Variants in MAGI1 observed in about 807,000 individuals in gnomAD.
MAGI1 encodes membrane associated guanylate kinase, WW and PDZ domain containing 1.
Under a neutral mutation model 139.9 loss-of-function variants are expected in MAGI1, and 58 were observed. The observed-to-expected ratio is 0.41, with a 90% CI of 0.34 to 0.52. The LOEUF (loss-of-function observed/expected upper bound fraction) is 0.52. Among genes scored for constraint, MAGI1 ranks in the 20% least tolerant of loss-of-function variants. The pLI is 0.12. For missense variants in MAGI1, 1,874 were observed against 1,901.6 expected (o/e 0.99, Z 0.27); for synonymous variants, 812 against 737.9 (o/e 1.10, Z -1.63).
At chr3:65,608,772 T>G (rs1375302928) in intron 2 of MAGI1, among the ~76,000 whole-genome samples, 2 of 152,156 alleles carry the variant, frequency 1.3e-5, no homozygotes, top group African/African-American at 4.8e-5. Flanking sequence ...AATCCAGCAA[T>G]TCTACTCCTA....
At chr3:65,978,285 C>T (rs1018878898) in intron 1 of MAGI1, among the ~76,000 whole-genome samples, 9 of 152,194 alleles carry the variant, frequency 5.9e-5, no homozygotes, top group African/African-American at 2.2e-4. Context: ...CCAAGACACA[C>T]AACCACTAAA....
intron 12 of MAGI1, among the ~76,000 whole-genome samples, chr3:65,410,026 G>A (rs992944328): frequency 1.2e-4 from 19 of 152,306 alleles, no homozygotes; most frequent in African/African-American, 4.6e-4. Context: ...ATGGCTTACA[G>A]AGCCTTTCAC....
chr3:65,638,813 G>A (rs1163548509), intron 1 of MAGI1, among the ~76,000 whole-genome samples: 3 of 151,740 alleles, frequency 2.0e-5, no homozygotes, highest in Non-Finnish European at 4.4e-5. Flanking sequence ...CACCATGTTG[G>A]CCAGGCTGGT....
intron 1 of MAGI1, among the ~76,000 whole-genome samples, chr3:65,890,837 T>C (rs1405663327): frequency 3.3e-5 from 5 of 152,182 alleles, no homozygotes; most frequent in Admixed American, 6.5e-5. Context: ...TACTTGTCAA[T>C]AGACAGCTGG....
chr3:65,680,862 G>C (rs1349105647), intron 1 of MAGI1, among the ~76,000 whole-genome samples: 1 of 152,112 alleles, frequency 6.6e-6, no homozygotes, highest in Non-Finnish European at 1.5e-5. Context: ...ACACATACTA[G>C]AATTATCCTC....
chr3:65,618,590 A>G (rs924429528), intron 2 of MAGI1, among the ~76,000 whole-genome samples: 1 of 152,042 alleles, frequency 6.6e-6, no homozygotes, highest in African/African-American at 2.4e-5. Flanking sequence ...TTTACTCTCA[A>G]TAGTCTGTTT....
chr3:65,440,598 T>C (rs549020892), intron 8 of MAGI1, among the ~76,000 whole-genome samples: 16 of 152,120 alleles, frequency 1.1e-4, no homozygotes, highest in Non-Finnish European at 2.2e-4. Context: ...TAAGCATTCA[T>C]CCAAACAATG....
intron 1 of MAGI1, among the ~76,000 whole-genome samples, chr3:65,876,890 C>T (rs1182520512): frequency 6.6e-6 from 1 of 151,864 alleles, no homozygotes; most frequent in East Asian, 1.9e-4. Flanking sequence ...ACTACAGGCA[C>T]CTGCCACCAC....
intron 1 of MAGI1, among the ~76,000 whole-genome samples, chr3:65,887,399 A>C (rs2060577410): frequency 6.6e-6 from 1 of 151,516 alleles, no homozygotes; most frequent in South Asian, 2.1e-4. Context: ...GAAAAAAAAA[A>C]AAAAAAGGGC....
At chr3:65,495,590 T>C (rs1576016607) in intron 2 of MAGI1, among the ~76,000 whole-genome samples, 1 of 152,196 alleles carries the variant, frequency 6.6e-6, no homozygotes, top group African/African-American at 2.4e-5. Flanking sequence ...TATATGTTAC[T>C]GTGAGACACA....
chr3:65,903,452 T>TAC (rs374779669), intron 1 of MAGI1, among the ~76,000 whole-genome samples: 15 of 152,100 alleles, frequency 9.9e-5, no homozygotes, highest in African/African-American at 3.4e-4. Context: ...CAGCAATGCC[T>TAC]ACTTCCTAGG....
chr3:65,904,613 C>T (rs2061364969), intron 1 of MAGI1, among the ~76,000 whole-genome samples: 1 of 152,222 alleles, frequency 6.6e-6, no homozygotes, highest in Admixed American at 6.5e-5. Flanking sequence ...GCCCAGAATG[C>T]CCTTTCTCCA....
At chr3:65,668,576 T>TC (rs2086667403) in intron 1 of MAGI1, among the ~76,000 whole-genome samples, 1 of 143,068 alleles carries the variant, frequency 7.0e-6, no homozygotes, top group African/African-American at 2.6e-5. Flanking sequence ...TTTTTTTTTT[T>TC]TTTTTTTTGA....
intron 1 of MAGI1, among the ~76,000 whole-genome samples, chr3:66,025,923 T>C (rs1427738327): frequency 3.3e-5 from 5 of 152,158 alleles, no homozygotes; most frequent in African/African-American, 9.7e-5. Flanking sequence ...TTGATAGTCA[T>C]ATAAGGTCAC....
chr3:65,973,539 C>G (rs530492444), intron 1 of MAGI1, among the ~76,000 whole-genome samples: 1 of 152,170 alleles, frequency 6.6e-6, no homozygotes, highest in Non-Finnish European at 1.5e-5. Flanking sequence ...TATGCACTCC[C>G]GAAGCATGGT....
At chr3:65,832,033 G>A (rs1057462729) in intron 1 of MAGI1, among the ~76,000 whole-genome samples, 11 of 152,234 alleles carry the variant, frequency 7.2e-5, no homozygotes, top group African/African-American at 1.7e-4. Flanking sequence ...GGTCTTTAAC[G>A]TTTTGCTGTC....
In MAGI1 at chr3:65,812,699, CTTTTTTTTTT is replaced by C. The variant is rs539502538; in HGVS notation, c.314-190621_314-190612del. On this transcript the variant is annotated intron_variant, in intron 1 of 22. Transcript: ENST00000402939. Reference sequence around the variant, plus strand: ...AAACTGACTGGTTAAAGTTAGTTTACTTTTTTTTTTTTTTTTTTTTTTTTTTTTGAGACAG... The same window carrying C: ...AAACTGACTGGTTAAAGTTAGTTTACTTTTTTTTTTTTTTTTTTGAGACAG... Among the ~76,000 whole-genome samples the C allele has an allele frequency of 2.6e-4, 19 of 72,908 alleles. 1 individual carries two copies. Among genetic ancestry groups the C allele is most frequent in the Admixed American group, 5.8e-4 (3 of 5,174 alleles). The allele number at this position is 72,908 out of a possible 152,430, so 47.8% of individuals were successfully genotyped here. A position where few individuals can be genotyped will look rare whatever the true frequency, so the allele number is the denominator to read the frequency against.
At chr3:65,716,753 C>T (rs190274640) in intron 1 of MAGI1, among the ~76,000 whole-genome samples, 2 of 152,140 alleles carry the variant, frequency 1.3e-5, no homozygotes, top group Admixed American at 1.3e-4. Context: ...ACATGGAGGA[C>T]CCATCACTGA....
In MAGI1 at chr3:65,448,031, T is replaced by C; in HGVS notation, c.1069A>G (p.Ser357Gly). The C allele has an allele frequency of 6.2e-7, 1 of 1,614,118 alleles. No individual in the cohort carries two copies. Among genetic ancestry groups the C allele is most frequent in the Non-Finnish European group, 8.5e-7 (1 of 1,180,004 alleles). ...DEGVHTEELDSELELPAGWEK... is the reference protein window; with the variant it reads ...DEGVHTEELDGELELPAGWEK... The stretch of plus-strand genomic sequence containing the variant: ...GGCAGGGAGGGTTTACCTAGTTCAC[T>C]GTCCAGCTCCTCGGTGTGTACCCCT... The change falls in exon 7 of 23, where the codon AGT becomes GGT. Residue 357 changes from serine to glycine, a missense_variant. Transcript: ENST00000402939.
Sources: allele counts gnomAD v4.1 joint callset (sites outside exome capture counted in the v4.1 genomes callset), GRCh38; gene constraint gnomAD v4.1.1; transcripts MANE v1.5; gene names NCBI Gene and HGNC (gene_info 2026-07-23, HGNC 2026-07-21).